The following SORCS1 variants were observed in gnomAD, a reference collection of about 807,000 sequenced individuals.
SORCS1 encodes sortilin related VPS10 domain containing receptor 1, also known as VPS10 domain-containing receptor SorCS1.
Under a neutral mutation model 146.1 loss-of-function variants are expected in SORCS1, and 60 were observed. That is an observed-to-expected ratio of 0.41 (90% CI 0.33 to 0.51). The LOEUF (loss-of-function observed/expected upper bound fraction) is 0.51, where lower values mean the gene tolerates loss of function less well. SORCS1 is among the 20% of genes least tolerant of loss of function. The probability of loss-of-function intolerance (pLI) is 0.21; values close to 1 mark genes in which losing one functional copy is unlikely to be tolerated. For synonymous variants in SORCS1, 637 were observed against 584.0 expected (o/e 1.09, Z -1.31); for missense variants, 1,352 against 1,487.6 (o/e 0.91, Z 1.50).
At chr10:107,137,096 C>T (rs1399558902) in intron 1 of SORCS1, among the ~76,000 whole-genome samples, 4 of 152,198 alleles carry the variant, frequency 2.6e-5, no homozygotes, top group African/African-American at 9.7e-5. Flanking sequence ...ACTCTTGGTT[C>T]CCATAAGGGT....
chr10:107,167,762 C>T (rs1423489846), upstream of SORCS1, among the ~76,000 whole-genome samples: 1 of 151,672 alleles, frequency 6.6e-6, no homozygotes, highest in African/African-American at 2.4e-5. Flanking sequence ...ATGTTATATA[C>T]AGTTTTATAT....
At chr10:106,833,863 G>A (rs989362760) in intron 2 of SORCS1, among the ~76,000 whole-genome samples, 3 of 151,968 alleles carry the variant, frequency 2.0e-5, no homozygotes, top group African/African-American at 4.8e-5. Context: ...GCGCAATCTC[G>A]GCTCACTGCA....
At chr10:106,677,199 T>C in intron 13 of SORCS1, 114 bp downstream of exon 13, 5 of 996,724 alleles carry the variant, frequency 5.0e-6, no homozygotes, top group Non-Finnish European at 6.1e-6. Context: ...ACCTCGGCAT[T>C]TTGGTAACAG....
intron 1 of SORCS1, among the ~76,000 whole-genome samples, chr10:107,158,587 C>T (rs1468671670): frequency 1.3e-5 from 2 of 152,192 alleles, no homozygotes; most frequent in Admixed American, 6.5e-5. Flanking sequence ...CCTCAGAGAA[C>T]GTACATCTCC....
At chr10:106,766,413 T>C (rs1243146210) in intron 4 of SORCS1, among the ~76,000 whole-genome samples, 1 of 152,186 alleles carries the variant, frequency 6.6e-6, no homozygotes, top group Non-Finnish European at 1.5e-5. Flanking sequence ...TTCATATAAA[T>C]TCCTAATGCC....
At chr10:106,989,892 T>C (rs1956696108) in intron 1 of SORCS1, among the ~76,000 whole-genome samples, 1 of 151,934 alleles carries the variant, frequency 6.6e-6, no homozygotes, top group Admixed American at 6.6e-5. Flanking sequence ...TTAACCATGT[T>C]AGCCAGGATG....
intron 1 of SORCS1, among the ~76,000 whole-genome samples, chr10:107,095,077 G>A (rs1055351128): frequency 2.0e-5 from 3 of 152,168 alleles, no homozygotes; most frequent in African/African-American, 4.8e-5. Context: ...TTACCTAAGA[G>A]CACTGGCTGG....
intron 1 of SORCS1, among the ~76,000 whole-genome samples, chr10:107,076,753 G>T (rs144077791): frequency 1.7e-3 from 252 of 152,196 alleles, no homozygotes; most frequent in African/African-American, 5.8e-3. Flanking sequence ...TGAAGTGGAC[G>T]CTCCTAGGTG....
chr10:107,177,743 A>C, the SORCS1 span, among the ~76,000 whole-genome samples: 2 of 152,220 alleles, frequency 1.3e-5, no homozygotes, highest in African/African-American at 2.4e-5. Flanking sequence ...TGTGTTGGGA[A>C]CATTTTGAAT....
chr10:106,609,015 C>A (rs532211193), intron 22 of SORCS1, among the ~76,000 whole-genome samples: 1 of 152,176 alleles, frequency 6.6e-6, no homozygotes, highest in Admixed American at 6.5e-5. Context: ...CCAGAAAAGA[C>A]AATAAGTGTC....
chr10:106,716,619 C>A (rs1199072925), intron 6 of SORCS1, among the ~76,000 whole-genome samples: 1 of 152,206 alleles, frequency 6.6e-6, no homozygotes, highest in Non-Finnish European at 1.5e-5. Flanking sequence ...CAGAGTTCTG[C>A]TGGCTTGAAC....
intron 7 of SORCS1, among the ~76,000 whole-genome samples, chr10:106,707,016 C>CT (rs1854580560): frequency 6.6e-6 from 1 of 152,044 alleles, no homozygotes; most frequent in Non-Finnish European, 1.5e-5. Flanking sequence ...AATGGCCCAA[C>CT]CCAAACAGTG....
intron 2 of SORCS1, among the ~76,000 whole-genome samples, chr10:106,878,620 G>GTGTGTATATATATATATA (rs904386657): frequency 1.2e-5 from 1 of 84,950 alleles, no homozygotes; most frequent in Admixed American, 1.2e-4. Flanking sequence ...AAACTACCTA[G>GTGTGTATATATATATATA]TATATATATA....
At chr10:106,953,356 A>G (rs911017133) in intron 2 of SORCS1, among the ~76,000 whole-genome samples, 2 of 152,060 alleles carry the variant, frequency 1.3e-5, no homozygotes, top group Admixed American at 1.3e-4. Context: ...ATTACTTGTA[A>G]CACCAAATAA....
In SORCS1 at chr10:107,006,584, G is replaced by A. The variant is rs528172451; in HGVS notation, c.559-50004C>T. ...TGTAATCCCAGCACTTTGGGAGGCC[G>A]AGGCGGGCAGATCACGAGGTCAGGA... is the stretch of plus-strand genomic sequence containing the variant. On this transcript the variant is annotated intron_variant, in intron 1 of 25. Transcript: ENST00000263054. Among the ~76,000 whole-genome samples, 16 of 152,310 alleles carry A rather than the reference G, an allele frequency of 1.1e-4. No individual in the cohort carries two copies. In the South Asian group the frequency reaches 1.7e-3, roughly 16 times the overall value.
rs1200849744 is a variant in SORCS1 at position 106,878,646 on chromosome 10, A to ATATATATT, written c.627-48974_627-48973insAATATATA. ...TATATATATATATATATATATATAT[A>ATATATATT]TATTTTATAGCAGCCTGAATGGACT... On this transcript the variant is annotated intron_variant, in intron 2 of 25. Coordinates refer to ENST00000263054, the MANE Select transcript of SORCS1 (RefSeq NM_052918.5). 3.8e-4 allele frequency among the ~76,000 whole-genome samples: 45 copies of ATATATATT among 117,880 alleles called. 4 individuals are homozygous for ATATATATT. Among genetic ancestry groups the ATATATATT allele is most frequent in the Admixed American group, 1.2e-3 (13 of 11,254 alleles). The allele number at this position is 117,880 out of a possible 152,430, so 77.3% of individuals were successfully genotyped here.
chr10:106,697,282 G>A (rs2135724336), intron 9 of SORCS1, among the ~76,000 whole-genome samples: 1 of 152,124 alleles, frequency 6.6e-6, no homozygotes, highest in South Asian at 2.1e-4. Context: ...GGCCAATATG[G>A]TGAAACTCCG....
intron 24 of SORCS1, among the ~76,000 whole-genome samples, chr10:106,581,979 A>G (rs1162292462): frequency 6.6e-6 from 1 of 152,230 alleles, no homozygotes; most frequent in Non-Finnish European, 1.5e-5. Context: ...CTCTTTCAGC[A>G]TAACCAGAAT....
intron 22 of SORCS1, among the ~76,000 whole-genome samples, chr10:106,608,489 C>T (rs549800407): frequency 1.2e-4 from 18 of 152,094 alleles, no homozygotes; most frequent in Non-Finnish European, 4.4e-5. Context: ...GGTATTAGGT[C>T]CTCACCTAAT....
Sources: allele counts gnomAD v4.1 joint callset (sites outside exome capture counted in the v4.1 genomes callset), GRCh38; gene constraint gnomAD v4.1.1; transcripts MANE v1.5; gene names NCBI Gene and HGNC (gene_info 2026-07-23, HGNC 2026-07-21).